Variants in SLC26A5 observed in about 807,000 individuals in gnomAD.
SLC26A5 encodes solute carrier family 26 member 5.
Under a neutral mutation model 81.0 loss-of-function variants are expected in SLC26A5, and 51 were observed. That is an observed-to-expected ratio of 0.63 (90% CI 0.50 to 0.80). SLC26A5 has a LOEUF of 0.80. Ranked by LOEUF, SLC26A5 falls within the 30% of genes least tolerant of loss-of-function variation. The pLI is 0.00. For synonymous variants in SLC26A5, 325 were observed against 332.8 expected (o/e 0.98, Z 0.25); for missense variants, 771 against 905.8 (o/e 0.85, Z 1.91).
At chr7:103,364,130 GTC>G (rs1057360971) in intron 19 of SLC26A5, 2 of 1,610,002 alleles carry the variant, frequency 1.2e-6, no homozygotes, top group African/African-American at 1.3e-5. Flanking sequence ...TGAAAATTGT[GTC>G]TCTATCACAG....
chr7:103,398,140 AG>A (rs1823294568), intron 8 of SLC26A5, 126 bp from the exon 9 acceptor site: 1 of 782,128 alleles, frequency 1.3e-6, no homozygotes, highest in African/African-American at 1.7e-5. Context: ...TTTAAAAAGA[AG>A]ATTTACCATT....
intron 9 of SLC26A5, among the ~76,000 whole-genome samples, chr7:103,395,545 T>C (rs1218916308): frequency 2.9e-5 from 4 of 138,024 alleles, no homozygotes; most frequent in East Asian, 2.1e-4. Context: ...TTTTTTGAGA[T>C]GGTGTTTCGC....
chr7:103,428,025 G>A (rs1825821480), intron 2 of SLC26A5, among the ~76,000 whole-genome samples: 1 of 151,894 alleles, frequency 6.6e-6, no homozygotes, highest in African/African-American at 2.4e-5. Flanking sequence ...GGTAATTTCT[G>A]TATTTTTAGT....
chr7:103,442,172 G>A lies in SLC26A5; in HGVS notation c.-54+911C>T, dbSNP rs528400525. Among the ~76,000 whole-genome samples, 11 of 151,558 alleles carry A rather than the reference G, an allele frequency of 7.3e-5. No homozygotes were observed. The East Asian group carries it at 1.8e-3, about 24-fold the overall frequency. ...TTAATTTTCTTTGAGACTGAGTCTC[G>A]CTCTTGTTGCCCAGGCTGGAGTATA... On this transcript the variant is annotated intron_variant, in intron 2 of 19. Transcript: ENST00000306312.
intron 19 of SLC26A5, chr7:103,365,952 T>C: frequency 1.3e-6 from 1 of 748,006 alleles, no homozygotes; most frequent in Non-Finnish European, 2.1e-6. Flanking sequence ...ATAAAAAACG[T>C]TTAGGTAATA....
chr7:103,422,820 A>G (rs1159930696), intron 2 of SLC26A5, among the ~76,000 whole-genome samples: 1 of 152,192 alleles, frequency 6.6e-6, no homozygotes, highest in Non-Finnish European at 1.5e-5. Flanking sequence ...AAATGAAGGA[A>G]GTTAATGGCA....
intron 4 of SLC26A5, among the ~76,000 whole-genome samples, chr7:103,419,579 C>A (rs1013953034): frequency 6.6e-6 from 1 of 151,770 alleles, no homozygotes; most frequent in South Asian, 2.1e-4. Context: ...GCTCTGTTGC[C>A]CAGGCTGGAG....
At chr7:103,404,311 A>C (rs1181682841) in intron 8 of SLC26A5, among the ~76,000 whole-genome samples, 1 of 152,132 alleles carries the variant, frequency 6.6e-6, no homozygotes, top group African/African-American at 2.4e-5. Context: ...TTGTTTTTGC[A>C]GTGGCTGGTA....
rs7783340 is a variant in SLC26A5 at position 103,431,738 on chromosome 7, G to T, written c.-53-10171C>A. Among the ~76,000 whole-genome samples, 1,093 of 152,308 alleles carry T rather than the reference G, an allele frequency of 7.2e-3. 11 individuals carry two copies. The highest frequency in any genetic ancestry group is 0.025 in the African/African-American group (1,051 of 41,556). ...GGTATTTCAGGTGGGATTTGTATGA[G>T]ATAGTTCTGTGCATTTAGCATCTCT... On this transcript the variant is annotated intron_variant, in intron 2 of 19. Coordinates refer to ENST00000306312, the MANE Select transcript of SLC26A5 (RefSeq NM_198999.3).
chr7:103,358,986 ATTT>A (rs550195195), intron 19 of SLC26A5, among the ~76,000 whole-genome samples: 2 of 143,106 alleles, frequency 1.4e-5, no homozygotes. Flanking sequence ...TAGCTTGTGA[ATTT>A]TTTTTTTTTT....
rs377335819 is a variant in SLC26A5 at position 103,397,963 on chromosome 7, T to C, written c.940A>G (p.Asn314Asp). ...SAGFNLKESY[N>D]VDVVGTLPLG... The stretch of plus-strand genomic sequence containing the variant: ...GGAAGTGTTCCAACGACATCCACAT[T>C]GTATGATTCTTTCAAGTTAAACCCA... The change falls in exon 9 of 20, where the codon AAT (asparagine) becomes GAT (aspartate). Residue 314 changes from asparagine to aspartate, a missense_variant. By Grantham distance (23) the Asn-to-Asp change is conservative (BLOSUM62 1). Coordinates refer to ENST00000306312, the MANE Select transcript of SLC26A5 (RefSeq NM_198999.3). 1 of 1,614,050 alleles carries C rather than the reference T, an allele frequency of 6.2e-7. No individual in the cohort carries two copies. Among genetic ancestry groups the C allele is most frequent in the Non-Finnish European group, 8.5e-7 (1 of 1,179,986 alleles).
intron 2 of SLC26A5, among the ~76,000 whole-genome samples, chr7:103,436,112 T>C (rs556950093): frequency 1.4e-4 from 21 of 152,300 alleles, no homozygotes; most frequent in African/African-American, 4.6e-4. Context: ...TTTTTGCTTA[T>C]CTGTATTTTC....
rs540156291 is a variant in SLC26A5 at position 103,392,724 on chromosome 7, C to T, written c.1119+195G>A. ...TCCCGAGTAGCTGGGACTACAGGGG[C>T]CTGCCACCATGCCCGGCTAATTTTT... On this transcript the variant is annotated intron_variant, in intron 10 of 19. Coordinates refer to ENST00000306312, the MANE Select transcript of SLC26A5 (RefSeq NM_198999.3). Among the ~76,000 whole-genome samples, 13 of 152,266 alleles carry T rather than the reference C, an allele frequency of 8.5e-5. No homozygotes were observed. The South Asian group carries it at 2.5e-3, about 29-fold the overall frequency.
chr7:103,403,240 G>A (rs891064949), intron 8 of SLC26A5, among the ~76,000 whole-genome samples: 1 of 152,192 alleles, frequency 6.6e-6, no homozygotes, highest in African/African-American at 2.4e-5. Flanking sequence ...CTGACAGACT[G>A]TTTGTTATGA....
chr7:103,420,896 A>G lies in SLC26A5; in HGVS notation c.153-19T>C. The G allele has an allele frequency of 6.3e-7, 1 of 1,595,620 alleles. No individual in the cohort carries two copies. The highest frequency in any genetic ancestry group is 1.1e-5 in the South Asian group (1 of 90,746). On this transcript the variant is annotated intron_variant, in intron 3 of 19. Coordinates refer to ENST00000306312, the MANE Select transcript of SLC26A5 (RefSeq NM_198999.3). ...AGTACATCTGAAAGGACAAAGACAGACAGAGATAAAGTTATAAATGAGAAA... is the reference window on the plus strand; with the variant it reads ...AGTACATCTGAAAGGACAAAGACAGGCAGAGATAAAGTTATAAATGAGAAA...
chr7:103,422,602 G>A (rs927003877), intron 2 of SLC26A5, among the ~76,000 whole-genome samples: 1 of 152,116 alleles, frequency 6.6e-6, no homozygotes, highest in Non-Finnish European at 1.5e-5. Flanking sequence ...GACTAAGAAG[G>A]GATAGTAGAG....
At chr7:103,364,958 C>T (rs867976936) in intron 19 of SLC26A5, among the ~76,000 whole-genome samples, 2,684 of 125,456 alleles carry the variant, frequency 0.021, 56 homozygotes, top group Non-Finnish European at 0.036. Context: ...TGTAGACATA[C>T]ATATATATAT....
At chr7:103,389,527 A>G (rs1043820942) in intron 12 of SLC26A5, 103 bp from the exon 13 acceptor site, 5 of 825,576 alleles carry the variant, frequency 6.1e-6, no homozygotes, top group Admixed American at 5.7e-5. Flanking sequence ...CCTTCTCCCT[A>G]CTCACTTCCT....
intron 13 of SLC26A5, 47 bp from the exon 14 acceptor site, chr7:103,389,161 C>T: frequency 7.0e-7 from 1 of 1,431,026 alleles, no homozygotes; most frequent in East Asian, 2.3e-5. Context: ...TTAAACATCC[C>T]ACAAGAGTTA....
Sources: gnomAD v4.1 joint callset for allele counts (sites outside exome capture counted in the v4.1 genomes callset) on GRCh38, gnomAD v4.1.1 for gene constraint, MANE v1.5 for transcripts, NCBI Gene and HGNC (gene_info 2026-07-23, HGNC 2026-07-21) for gene names.